LRFN2: variants seen among roughly 807,000 people sequenced by gnomAD.
The protein encoded by LRFN2 is leucine rich repeat and fibronectin type III domain containing 2, also known as leucine-rich repeat and fibronectin type-III domain-containing protein 2.
A neutral mutation model predicts 37.3 loss-of-function variants in LRFN2; 18 were observed. The ratio of observed to expected loss-of-function variants is 0.48; its 90% CI spans 0.33 to 0.72. LRFN2 has a LOEUF of 0.72. LRFN2 is among the 30% of genes least tolerant of loss of function. The probability of loss-of-function intolerance (pLI) is 0.02; values close to 1 mark genes in which losing one functional copy is unlikely to be tolerated. For missense variants in LRFN2, 1,006 were observed against 1,060.7 expected, an observed-to-expected ratio of 0.95 and a Z score of 0.72; for synonymous variants, 556 against 466.6, an observed-to-expected ratio of 1.19 and a Z score of -2.47.
chr6:40,494,146 T>C (rs1554139355), intron 1 of LRFN2, among the ~76,000 whole-genome samples: 2 of 152,152 alleles, frequency 1.3e-5, no homozygotes, highest in Admixed American at 6.5e-5. Flanking sequence ...GAAGTAGTTA[T>C]GGATCTCAGG....
intron 1 of LRFN2, among the ~76,000 whole-genome samples, chr6:40,485,910 G>T (rs1198311742): frequency 1.3e-5 from 2 of 152,216 alleles, no homozygotes; most frequent in East Asian, 1.9e-4. Flanking sequence ...AAGGGAAAAA[G>T]AACTCAGCTA....
At chr6:40,578,107 T>C (rs1767329143) in intron 1 of LRFN2, among the ~76,000 whole-genome samples, 1 of 152,174 alleles carries the variant, frequency 6.6e-6, no homozygotes, top group Non-Finnish European at 1.5e-5. Context: ...AAGGCATTCA[T>C]GACAGTTTCA....
chr6:40,575,874 T>A (rs74509630), intron 1 of LRFN2, among the ~76,000 whole-genome samples: 2 of 152,224 alleles, frequency 1.3e-5, no homozygotes, highest in Non-Finnish European at 2.9e-5. Flanking sequence ...TAACCCACTC[T>A]GAATCTTCAT....
intron 1 of LRFN2, among the ~76,000 whole-genome samples, chr6:40,521,059 G>A (rs1766050889): frequency 1.3e-5 from 2 of 152,186 alleles, no homozygotes; most frequent in South Asian, 2.1e-4. Flanking sequence ...GCATGGGGCC[G>A]CGTCGCTAGA....
chr6:40,573,595 C>G (rs190388238), intron 1 of LRFN2, among the ~76,000 whole-genome samples: 57 of 152,346 alleles, frequency 3.7e-4, no homozygotes, highest in African/African-American at 1.2e-3. Flanking sequence ...CAACTGGATT[C>G]AAATCCTGGC....
intron 1 of LRFN2, among the ~76,000 whole-genome samples, chr6:40,547,159 C>A (rs1321767983): frequency 6.7e-6 from 1 of 148,978 alleles, no homozygotes; most frequent in Admixed American, 6.7e-5. Flanking sequence ...GGCTAGAGTG[C>A]AGTGGCACGA....
intron 1 of LRFN2, among the ~76,000 whole-genome samples, chr6:40,461,263 G>C (rs1293020155): frequency 1.3e-5 from 2 of 151,876 alleles, no homozygotes; most frequent in East Asian, 3.9e-4. Flanking sequence ...AAAAACATTA[G>C]TCGGGCATGG....
chr6:40,542,479 A>G (rs978765932), intron 1 of LRFN2, among the ~76,000 whole-genome samples: 1 of 151,912 alleles, frequency 6.6e-6, no homozygotes, highest in African/African-American at 2.4e-5. Context: ...AAACATCTGC[A>G]GAGCACCGAG....
intron 2 of LRFN2, among the ~76,000 whole-genome samples, chr6:40,421,304 C>T (rs1763223955): frequency 2.0e-5 from 3 of 152,194 alleles, no homozygotes. Flanking sequence ...AGGTTAAGGA[C>T]ATGCCCATGA....
chr6:40,450,839 G>C (rs147451547), intron 1 of LRFN2, among the ~76,000 whole-genome samples: 409 of 152,342 alleles, frequency 2.7e-3, no homozygotes, highest in Non-Finnish European at 4.7e-3. Context: ...AGAAGCAAAT[G>C]AGTATTATCT....
intron 1 of LRFN2, among the ~76,000 whole-genome samples, chr6:40,556,689 T>TC (rs1766892373): frequency 1.4e-5 from 2 of 141,330 alleles, no homozygotes; most frequent in Non-Finnish European, 3.1e-5. Flanking sequence ...TCTCTCTCTC[T>TC]TTGTTTCTCT....
intron 1 of LRFN2, among the ~76,000 whole-genome samples, chr6:40,584,251 A>G (rs1767459751): frequency 6.6e-6 from 1 of 152,166 alleles, no homozygotes; most frequent in Non-Finnish European, 1.5e-5. Flanking sequence ...CAGATCTGAA[A>G]AGCGGTTTGG....
chr6:40,511,815 A>T (rs972355905), intron 1 of LRFN2, among the ~76,000 whole-genome samples: 1 of 152,222 alleles, frequency 6.6e-6, no homozygotes, highest in Non-Finnish European at 1.5e-5. Flanking sequence ...AAGTTCTAAT[A>T]TGATGATTCT....
At chr6:40,522,218 G>A (rs1027722775) in intron 1 of LRFN2, among the ~76,000 whole-genome samples, 2 of 152,184 alleles carry the variant, frequency 1.3e-5, no homozygotes, top group Non-Finnish European at 2.9e-5. Flanking sequence ...GGGACCGAAG[G>A]CCTACTGACT....
chr6:40,573,456 C>T (rs1466465075), intron 1 of LRFN2, among the ~76,000 whole-genome samples: 1 of 152,184 alleles, frequency 6.6e-6, no homozygotes, highest in East Asian at 1.9e-4. Flanking sequence ...TAAGTGACAG[C>T]GTTTTGTGAG....
chr6:40,504,072 A>G (rs1336789180), intron 1 of LRFN2, among the ~76,000 whole-genome samples: 1 of 152,194 alleles, frequency 6.6e-6, no homozygotes, highest in Non-Finnish European at 1.5e-5. Flanking sequence ...CCTAGAATAA[A>G]TGGGTTCAGG....
At position 40,546,088 on chromosome 6, in the gene LRFN2, G is replaced by GGCTGCCTGGCTGTTTTTGAGGATC. The variant is rs1471929973; in HGVS notation, c.-19+40829_-19+40852dup. On this transcript the variant is annotated intron_variant, in intron 1 of 2. Coordinates refer to ENST00000338305, the MANE Select transcript of LRFN2 (RefSeq NM_020737.3). Reference sequence around the variant, plus strand: ...GGGGAGACTCCAGAGAGAGGGACCAGGCTGCCTGGCTGTTTTTGAGGATCA... The same window carrying GGCTGCCTGGCTGTTTTTGAGGATC: ...GGGGAGACTCCAGAGAGAGGGACCAGGCTGCCTGGCTGTTTTTGAGGATCGCTGCCTGGCTGTTTTTGAGGATCA... Among the ~76,000 whole-genome samples the GGCTGCCTGGCTGTTTTTGAGGATC allele has an allele frequency of 2.0e-4, 30 of 152,226 alleles. No individual in the cohort carries two copies. The East Asian group carries it at 5.6e-3, about 29-fold the overall frequency.
At chr6:40,454,955 A>G (rs768602118) in intron 1 of LRFN2, among the ~76,000 whole-genome samples, 31 of 152,218 alleles carry the variant, frequency 2.0e-4, no homozygotes, top group Non-Finnish European at 4.1e-4. Context: ...CTGTCGATGT[A>G]TAAGCCAGAA....
chr6:40,464,762 A>C (rs1764422013), intron 1 of LRFN2, among the ~76,000 whole-genome samples: 1 of 152,076 alleles, frequency 6.6e-6, no homozygotes, highest in Non-Finnish European at 1.5e-5. Context: ...TCAAAAATGC[A>C]GAAGAGTTAT....
Sources: gnomAD v4.1 joint callset for allele counts (sites outside exome capture counted in the v4.1 genomes callset) on GRCh38, gnomAD v4.1.1 for gene constraint, MANE v1.5 for transcripts, NCBI Gene and HGNC (gene_info 2026-07-23, HGNC 2026-07-21) for gene names.